The following GALNT17 variants were observed in gnomAD, a reference collection of about 807,000 sequenced individuals.
GALNT17 encodes UDP-GalNAc:polypeptide N-acetylgalactosaminyltransferase-like 3.
In GALNT17, 29 loss-of-function variants were observed where a neutral mutation model predicts 63.7. The observed-to-expected ratio is 0.46, with a 90% CI of 0.34 to 0.62. The LOEUF is 0.62. GALNT17 is among the 20% of genes least tolerant of loss of function. GALNT17 has a pLI of 0.01. For missense variants in GALNT17, 603 were observed against 799.6 expected, an observed-to-expected ratio of 0.75 and a Z score of 2.97; for synonymous variants, 305 against 318.3, an observed-to-expected ratio of 0.96 and a Z score of 0.45.
At chr7:71,526,810 G>C (rs1181285565) in intron 5 of GALNT17, among the ~76,000 whole-genome samples, 1 of 152,130 alleles carries the variant, frequency 6.6e-6, no homozygotes, top group Non-Finnish European at 1.5e-5. Context: ...CACTGCACCT[G>C]GCCAATTACG....
intron 2 of GALNT17, among the ~76,000 whole-genome samples, chr7:71,367,352 C>T (rs1189843084): frequency 3.9e-5 from 6 of 152,082 alleles, no homozygotes; most frequent in East Asian, 1.9e-4. Flanking sequence ...AAATCCCAAG[C>T]GCTGGCCATG....
intron 5 of GALNT17, among the ~76,000 whole-genome samples, chr7:71,490,514 TTGG>T (rs897924385): frequency 1.3e-5 from 2 of 151,920 alleles, no homozygotes; most frequent in African/African-American, 4.8e-5. Context: ...GCCAGACTAG[TTGG>T]TGTTCTCTGG....
intron 5 of GALNT17, among the ~76,000 whole-genome samples, chr7:71,421,951 GAA>G (rs79689052): frequency 1.5e-4 from 13 of 87,424 alleles, no homozygotes; most frequent in Admixed American, 2.5e-4. Context: ...ACTCTGTCTC[GAA>G]AAAAAAAAAA....
chr7:71,626,310 G>A (rs1790375335), intron 6 of GALNT17, among the ~76,000 whole-genome samples: 1 of 151,640 alleles, frequency 6.6e-6, no homozygotes, highest in African/African-American at 2.4e-5. Flanking sequence ...AGGGAAAAAT[G>A]GCTGCCTCTA....
At chr7:71,289,552 A>G (rs1790939181) in intron 1 of GALNT17, among the ~76,000 whole-genome samples, 1 of 151,724 alleles carries the variant, frequency 6.6e-6, no homozygotes, top group Non-Finnish European at 1.5e-5. Context: ...CCTGGCCAAC[A>G]TGGTGAAACC....
At chr7:71,574,295 A>G (rs1789499715) in intron 6 of GALNT17, among the ~76,000 whole-genome samples, 1 of 152,202 alleles carries the variant, frequency 6.6e-6, no homozygotes, top group Non-Finnish European at 1.5e-5. Context: ...TGGTCCCTGC[A>G]GAGCCCAGTC....
chr7:71,576,773 G>T (rs1313989001), intron 6 of GALNT17, among the ~76,000 whole-genome samples: 1 of 152,034 alleles, frequency 6.6e-6, no homozygotes, highest in Non-Finnish European at 1.5e-5. Flanking sequence ...TCCCCATGTT[G>T]CCCAGGATGG....
intron 1 of GALNT17, among the ~76,000 whole-genome samples, chr7:71,310,730 A>G (rs1056115371): frequency 1.3e-5 from 2 of 152,224 alleles, no homozygotes; most frequent in Non-Finnish European, 2.9e-5. Flanking sequence ...GAATCTTTTC[A>G]GAAGACTTTC....
At chr7:71,197,566 A>G (rs1789077939) in intron 1 of GALNT17, among the ~76,000 whole-genome samples, 1 of 151,822 alleles carries the variant, frequency 6.6e-6, no homozygotes, top group African/African-American at 2.4e-5. Context: ...TTTTGTACCC[A>G]TTAACAGTCC....
intron 5 of GALNT17, among the ~76,000 whole-genome samples, chr7:71,486,367 TAA>T (rs1787909348): frequency 7.2e-6 from 1 of 138,682 alleles, no homozygotes; most frequent in Non-Finnish European, 1.5e-5. Context: ...ATAATAATAA[TAA>T]TAATAATAAT....
intron 1 of GALNT17, among the ~76,000 whole-genome samples, chr7:71,188,890 G>A (rs1038185361): frequency 6.6e-6 from 1 of 152,210 alleles, no homozygotes; most frequent in African/African-American, 2.4e-5. Context: ...TGAGAGAATA[G>A]GAGAGAGCTT....
chr7:71,356,211 CA>C (rs201783445), intron 2 of GALNT17, among the ~76,000 whole-genome samples: 2 of 152,138 alleles, frequency 1.3e-5, no homozygotes, highest in East Asian at 3.9e-4. Context: ...CTCCTGTCCT[CA>C]AATGATCCTC....
intron 5 of GALNT17, among the ~76,000 whole-genome samples, chr7:71,434,792 A>G (rs1268330311): frequency 6.6e-6 from 1 of 151,912 alleles, no homozygotes; most frequent in Non-Finnish European, 1.5e-5. Context: ...CTAATTATAA[A>G]CTCTCTGGAG....
At chr7:71,525,184 T>C (rs1788603376) in intron 5 of GALNT17, among the ~76,000 whole-genome samples, 1 of 152,114 alleles carries the variant, frequency 6.6e-6, no homozygotes, top group Admixed American at 6.5e-5. Context: ...TGTTTGTTTG[T>C]TTGTTTCGAG....
intron 1 of GALNT17, among the ~76,000 whole-genome samples, chr7:71,301,159 C>T (rs967010541): frequency 2.0e-5 from 3 of 150,468 alleles, no homozygotes; most frequent in Admixed American, 6.6e-5. Flanking sequence ...GTGATGGTGC[C>T]GCCTGTAGTC....
chr7:71,709,540 TGTG>T, intron 9 of GALNT17, among the ~76,000 whole-genome samples: 1 of 152,180 alleles, frequency 6.6e-6, no homozygotes, highest in South Asian at 2.1e-4. Context: ...GTCACCAAAA[TGTG>T]GTGAATAATC....
intron 1 of GALNT17, among the ~76,000 whole-genome samples, chr7:71,162,148 C>CTTCCTTCCTTT (rs1788360142): frequency 1.6e-5 from 2 of 126,214 alleles, no homozygotes; most frequent in African/African-American, 6.5e-5. Flanking sequence ...TTCCTTCCTT[C>CTTCCTTCCTTT]CTTCCTTCCT....
intron 4 of GALNT17, among the ~76,000 whole-genome samples, chr7:71,418,134 C>T (rs1273573126): frequency 1.3e-5 from 2 of 152,194 alleles, no homozygotes; most frequent in Non-Finnish European, 2.9e-5. Flanking sequence ...CAGTTGGACA[C>T]TAAGCTGGGG....
intron 1 of GALNT17, among the ~76,000 whole-genome samples, chr7:71,205,395 G>A (rs1044166473): frequency 1.4e-4 from 21 of 151,846 alleles, no homozygotes; most frequent in African/African-American, 2.2e-4. Context: ...CTCGTGATCC[G>A]CCTGCCTCGG....
Sources: gnomAD v4.1 joint callset for allele counts (sites outside exome capture counted in the v4.1 genomes callset) on GRCh38, gnomAD v4.1.1 for gene constraint, MANE v1.5 for transcripts, NCBI Gene and HGNC (gene_info 2026-07-23, HGNC 2026-07-21) for gene names.